C12orf75: variants seen among roughly 807,000 people sequenced by gnomAD.
C12orf75 encodes the protein chromosome 12 open reading frame 75, also known as overexpressed in colon carcinoma 1 protein.
C12orf75 carries 4 observed loss-of-function variants against 11.4 expected under a neutral mutation model. The observed-to-expected ratio is 0.35, with a 90% CI of 0.17 to 0.80. The LOEUF is 0.80. Ranked by LOEUF, C12orf75 falls within the 30% of genes least tolerant of loss-of-function variation. The pLI, the probability that C12orf75 is intolerant of heterozygous loss-of-function variation, is 0.52. For synonymous variants in C12orf75, 30 were observed against 30.0 expected (o/e 1.00, Z 0.00); for missense variants, 89 against 80.4 (o/e 1.11, Z -0.41).
chr12:105,352,090 C>CTG (rs1892720947), intron 2 of C12orf75, among the ~76,000 whole-genome samples: 1 of 152,002 alleles, frequency 6.6e-6, no homozygotes, highest in South Asian at 2.1e-4. Flanking sequence ...TGTTTAATGA[C>CTG]TGAACGGGGA....
intron 2 of C12orf75, among the ~76,000 whole-genome samples, chr12:105,356,448 T>G (rs1374538669): frequency 6.7e-6 from 1 of 150,310 alleles, no homozygotes; most frequent in Non-Finnish European, 1.5e-5. Context: ...GCTTTTTTTT[T>G]TTTTTTTTTT....
chr12:105,338,094 C>T (rs1416961001), intron 1 of C12orf75, among the ~76,000 whole-genome samples: 2 of 152,170 alleles, frequency 1.3e-5, no homozygotes, highest in Non-Finnish European at 2.9e-5. Flanking sequence ...ATAGACATGG[C>T]TTAAATTTTA....
Position 105,366,622 on chromosome 12 carries a change from A to G in C12orf75, c.113A>G (p.Tyr38Cys), listed in dbSNP as rs1309610265. 17 of 1,515,824 alleles carry G rather than the reference A, an allele frequency of 1.1e-5. No individual in the cohort carries two copies. Among genetic ancestry groups the G allele is most frequent in the Middle Eastern group, 1.7e-4 (1 of 5,954 alleles). 93.9% of individuals were successfully genotyped at this position (1,515,824 alleles called of 1,614,324 possible). A position where few individuals can be genotyped will look rare whatever the true frequency, so the allele number is the denominator to read the frequency against. ...TTTGATTTCTTTTTATCAAGAAACT[A>G]TGGAGGAGTATATGTTGGCCTACCA... is the stretch of plus-strand genomic sequence containing the variant. The part of the protein sequence containing the change: ...SVTEDDKRRN[Y>C]GGVYVGLPSE... Residue 38 changes from tyrosine to cysteine, a missense_variant, in exon 4 of 6, where the codon TAT becomes TGT. Physicochemically the swap from Tyr to Cys is radical, Grantham distance 194 (BLOSUM62 -2). Transcript: ENST00000443585.
intron 2 of C12orf75, among the ~76,000 whole-genome samples, chr12:105,352,114 A>G (rs1316435090): frequency 6.6e-6 from 1 of 152,222 alleles, no homozygotes; most frequent in African/African-American, 2.4e-5. Flanking sequence ...AAAGGAAAGG[A>G]AACTCTGAGG....
In C12orf75 at chr12:105,337,311, AAAAC is replaced by A. The variant is rs200742391; in HGVS notation, c.46+6390_46+6393del. Among the ~76,000 whole-genome samples the A allele has an allele frequency of 6.7e-4, 102 of 152,280 alleles. 2 individuals carry two copies. In the East Asian group the frequency reaches 0.015, roughly 22 times the overall value. On this transcript the variant is annotated intron_variant, in intron 1 of 5. Transcript: ENST00000443585. ...GTGACAGAGCAAGATCCTGTCTTAAAAAACAAACAAACAAACAAAAACCAATGAG... is the reference window on the plus strand; with the variant it reads ...GTGACAGAGCAAGATCCTGTCTTAAAAAACAAACAAACAAAAACCAATGAG...
intron 1 of C12orf75, among the ~76,000 whole-genome samples, chr12:105,331,450 A>T (rs1892421856): frequency 6.6e-6 from 1 of 152,070 alleles, no homozygotes; most frequent in Non-Finnish European, 1.5e-5. Context: ...AGAGCTGCAA[A>T]AACGCATCTG....
chr12:105,336,599 C>T (rs374092257), intron 1 of C12orf75, among the ~76,000 whole-genome samples: 3 of 152,158 alleles, frequency 2.0e-5, no homozygotes, highest in Non-Finnish European at 2.9e-5. Flanking sequence ...CTGCTGTCTG[C>T]GCTCAGAGAA....
Position 105,334,423 on chromosome 12 carries a change from AG to A in C12orf75, c.46+3487del, listed in dbSNP as rs532046097. Among the ~76,000 whole-genome samples, 110 of 152,378 alleles carry A rather than the reference AG, an allele frequency of 7.2e-4. 1 individual carries two copies. Among genetic ancestry groups the A allele is most frequent in the South Asian group, 3.1e-3 (15 of 4,828 alleles). ...AGATATTGAATGACACAGTTAAATC[AG>A]AGAAGTCCTCCTGGAGGAGTTGAGC... On this transcript the variant is annotated intron_variant, in intron 1 of 5. Coordinates refer to ENST00000443585, the MANE Select transcript of C12orf75 (RefSeq NM_001145199.2).
At chr12:105,334,270 G>A (rs1403093706) in intron 1 of C12orf75, among the ~76,000 whole-genome samples, 2 of 152,244 alleles carry the variant, frequency 1.3e-5, no homozygotes, top group African/African-American at 4.8e-5. Context: ...AGCAATGGAT[G>A]TTTGTAGAAT....
Position 105,370,813 on chromosome 12 carries a change from C to G in C12orf75, c.*213C>G, listed in dbSNP as rs1246233285. The G allele has an allele frequency of 7.1e-6, 3 of 423,470 alleles. No homozygotes were observed. Among genetic ancestry groups the G allele is most frequent in the Admixed American group, 2.5e-5 (1 of 39,356 alleles). 26.2% of individuals were successfully genotyped at this position (423,470 alleles called of 1,614,324 possible). ...AGAAGGGAATTGGTTAAACAGTACA[C>G]TTGTTTATGGAACTTTCTGTGGCCA... On this transcript the variant is annotated 3_prime_UTR_variant, in exon 6 of 6. Coordinates refer to ENST00000443585, the MANE Select transcript of C12orf75 (RefSeq NM_001145199.2).
rs1214938677 is a variant in C12orf75, at chr12:105,346,053, C to T, written c.47-2549C>T. Among the ~76,000 whole-genome samples, 25 of 152,136 alleles carry T rather than the reference C, an allele frequency of 1.6e-4. 1 individual carries two copies. The highest frequency in any genetic ancestry group is 1.6e-3 in the Admixed American group (24 of 15,266). On this transcript the variant is annotated intron_variant, in intron 1 of 5. Coordinates refer to ENST00000443585, the MANE Select transcript of C12orf75 (RefSeq NM_001145199.2). Reference sequence around the variant, plus strand: ...GTCTCCAAAATCCCTTATCTTAACTCAAGACAATTCCAGGAATCAATTGAT... The same window carrying T: ...GTCTCCAAAATCCCTTATCTTAACTTAAGACAATTCCAGGAATCAATTGAT...
At chr12:105,355,314 C>T (rs977942598) in intron 2 of C12orf75, among the ~76,000 whole-genome samples, 9 of 151,738 alleles carry the variant, frequency 5.9e-5, no homozygotes, top group South Asian at 4.2e-4. Context: ...GGATTACAAG[C>T]GCATGTCACC....
intron 2 of C12orf75, among the ~76,000 whole-genome samples, chr12:105,363,245 G>A (rs919148573): frequency 6.6e-6 from 1 of 152,256 alleles, no homozygotes; most frequent in African/African-American, 2.4e-5. Flanking sequence ...GGATGCACGT[G>A]CAGTGTCCTG....
At chr12:105,353,406 C>T (rs1478927834) in intron 2 of C12orf75, 3 of 152,166 alleles carry the variant, frequency 2.0e-5, no homozygotes, top group Admixed American at 6.5e-5. Context: ...GTTCCTATCT[C>T]GGAATCAGTC....
Position 105,370,894 on chromosome 12 carries a change from C to T in C12orf75, c.*294C>T. ...GGAGGCTGTTGTTGCCCAGCCAGGG[C>T]CGCTGCATTTTGACAACATTTCCAC... On this transcript the variant is annotated 3_prime_UTR_variant, in exon 6 of 6. Coordinates refer to ENST00000443585, the MANE Select transcript of C12orf75 (RefSeq NM_001145199.2). 1 of 325,596 alleles carries T rather than the reference C, an allele frequency of 3.1e-6. No individual in the cohort carries two copies. The highest frequency in any genetic ancestry group is 6.2e-6 in the Non-Finnish European group (1 of 161,614). The allele number at this position is 325,596 out of a possible 1,614,324, so 20.2% of individuals were successfully genotyped here.
chr12:105,332,494 G>A (rs527930199), intron 1 of C12orf75, among the ~76,000 whole-genome samples: 117 of 152,258 alleles, frequency 7.7e-4, no homozygotes, highest in Middle Eastern at 3.4e-3. Flanking sequence ...CACTTTGGGA[G>A]GCTGGGGTGG....
intron 1 of C12orf75, among the ~76,000 whole-genome samples, chr12:105,332,930 GAAA>G (rs35954124): frequency 8.1e-6 from 1 of 123,596 alleles, no homozygotes. Flanking sequence ...AAGTCATATT[GAAA>G]AAAAAAAAAA....
rs552499101 is a variant in C12orf75, at chr12:105,330,763, C to G, written c.-129C>G. On this transcript the variant is annotated 5_prime_UTR_variant, in exon 1 of 6. Coordinates refer to ENST00000443585, the MANE Select transcript of C12orf75 (RefSeq NM_001145199.2). ...CCCGGCGGTGGGAGGGGGCGGCCCC[C>G]ACTCGGTTCCTGGCCCCTCGCGGCC... The G allele has an allele frequency of 8.1e-5, 77 of 946,144 alleles. No individual in the cohort carries two copies. The highest frequency in any genetic ancestry group is 1.0e-4 in the Non-Finnish European group (75 of 741,722). The allele number at this position is 946,144 out of a possible 1,614,324, so 58.6% of individuals were successfully genotyped here. A position where few individuals can be genotyped will look rare whatever the true frequency, so the allele number is the denominator to read the frequency against.
chr12:105,366,807 C>A, intron 4 of C12orf75, 111 bp downstream of exon 4: 2 of 673,884 alleles, frequency 3.0e-6, no homozygotes, highest in Non-Finnish European at 5.2e-6. Flanking sequence ...GTATTGGTTG[C>A]AGTGAACCAT....
Sources: gnomAD v4.1 joint callset for allele counts (sites outside exome capture counted in the v4.1 genomes callset) on GRCh38, gnomAD v4.1.1 for gene constraint, MANE v1.5 for transcripts, NCBI Gene and HGNC (gene_info 2026-07-23, HGNC 2026-07-21) for gene names.